The following PCDH7 variants were observed in gnomAD, a reference collection of about 807,000 sequenced individuals.
The protein encoded by PCDH7 is protocadherin-7.
Under a neutral mutation model 58.9 loss-of-function variants are expected in PCDH7, and 17 were observed. The ratio of observed to expected loss-of-function variants is 0.29; its 90% CI spans 0.20 to 0.43. The LOEUF (loss-of-function observed/expected upper bound fraction) is 0.43, where lower values mean the gene tolerates loss of function less well. PCDH7 is among the 20% of genes least tolerant of loss of function. The probability of loss-of-function intolerance (pLI) is 1.00; values close to 1 mark genes in which losing one functional copy is unlikely to be tolerated. For synonymous variants in PCDH7, 664 were observed against 616.4 expected (o/e 1.08, Z -1.14); for missense variants, 1,274 against 1,441.0 (o/e 0.88, Z 1.88).
chr4:31,048,027 TTTAA>T (rs934924318), intron 3 of PCDH7, among the ~76,000 whole-genome samples: 5 of 152,078 alleles, frequency 3.3e-5, no homozygotes, highest in African/African-American at 1.2e-4. Context: ...TCCTCAAAAC[TTTAA>T]TTAAGCAGTT....
At chr4:31,146,499 T>C (rs1459823311), downstream of PCDH7, 1 of 152,102 alleles carries the variant, frequency 6.6e-6, no homozygotes, top group East Asian at 1.9e-4. Context: ...GGGTTTACTT[T>C]CAGACTTTTC....
intron 3 of PCDH7, among the ~76,000 whole-genome samples, chr4:31,059,430 G>A (rs1757506378): frequency 6.6e-6 from 1 of 151,812 alleles, no homozygotes; most frequent in South Asian, 2.1e-4. Flanking sequence ...CTCATTGAAA[G>A]CATGACAGTA....
At chr4:30,761,870 C>T (rs1577695351) in intron 1 of PCDH7, among the ~76,000 whole-genome samples, 1 of 152,154 alleles carries the variant, frequency 6.6e-6, no homozygotes, top group African/African-American at 2.4e-5. Flanking sequence ...CTTTAGATGT[C>T]GATTTGCTCA....
chr4:30,902,513 A>G (rs767813196), intron 1 of PCDH7, among the ~76,000 whole-genome samples: 5 of 152,180 alleles, frequency 3.3e-5, no homozygotes, highest in Non-Finnish European at 5.9e-5. Context: ...CGATGCATAT[A>G]ATGAGATCCA....
At chr4:31,088,038 A>G (rs1036359249) in intron 3 of PCDH7, among the ~76,000 whole-genome samples, 1 of 152,088 alleles carries the variant, frequency 6.6e-6, no homozygotes, top group African/African-American at 2.4e-5. Context: ...TTTAGGTGTA[A>G]TGCCAAAAAT....
Position 30,722,341 on chromosome 4 carries a change from C to A in PCDH7, c.919C>A (p.Arg307Ser). 6 of 1,611,788 alleles carry A rather than the reference C, an allele frequency of 3.7e-6. No homozygotes were observed. Among genetic ancestry groups the A allele is most frequent in the African/African-American group, 1.3e-5 (1 of 75,040 alleles). ...CACCGACGTGAACGACAACAGCCCC[C>A]GCTTCGAGAAGAGCGTGTACGAGGC... The change falls in exon 1 of 2, where the codon CGC becomes AGC. Residue 307 changes from arginine (R) to serine (S), a missense_variant. Around this residue, in one of 3 missense-constraint regions of PCDH7, gnomAD observed 331 missense variants for 303.2 expected, o/e 1.09. Transcript: ENST00000361762. This position sits in a 1 kb window ranked among gnomAD's most constrained non-coding sequence, Gnocchi z 7.6.
chr4:30,900,995 A>G (rs1740141587), intron 1 of PCDH7, among the ~76,000 whole-genome samples: 1 of 152,166 alleles, frequency 6.6e-6, no homozygotes, highest in African/African-American at 2.4e-5. Context: ...TGTCATCTTC[A>G]TTGTTCATAT....
intron 3 of PCDH7, among the ~76,000 whole-genome samples, chr4:30,997,284 T>C (rs1751982396): frequency 6.6e-6 from 1 of 152,174 alleles, no homozygotes; most frequent in Non-Finnish European, 1.5e-5. Flanking sequence ...AGTATAGAAC[T>C]ATTAATAATA....
At chr4:30,920,559 A>G (rs996888507) in intron 2 of PCDH7, among the ~76,000 whole-genome samples, 190 bp downstream of exon 2, 2 of 152,172 alleles carry the variant, frequency 1.3e-5, no homozygotes, top group Admixed American at 1.3e-4. Context: ...AATTCACCCA[A>G]ATTGCACCAT....
At chr4:31,024,526 T>G (rs968826731) in intron 3 of PCDH7, among the ~76,000 whole-genome samples, 1 of 152,158 alleles carries the variant, frequency 6.6e-6, no homozygotes, top group Non-Finnish European at 1.5e-5. Flanking sequence ...AAATAAATAT[T>G]AGAATCAGTA....
At chr4:30,893,587 G>T (rs1035567665) in intron 1 of PCDH7, among the ~76,000 whole-genome samples, 1 of 152,074 alleles carries the variant, frequency 6.6e-6, no homozygotes, top group Non-Finnish European at 1.5e-5. Context: ...TACTTCTGCA[G>T]AAATGTGAAT....
At chr4:30,791,224 A>G (rs1274033886) in intron 1 of PCDH7, among the ~76,000 whole-genome samples, 1 of 152,124 alleles carries the variant, frequency 6.6e-6, no homozygotes, top group Non-Finnish European at 1.5e-5. Flanking sequence ...ATGGCAGAAT[A>G]TCATAGTGAT....
At chr4:30,943,144 A>G (rs927858163) in intron 2 of PCDH7, among the ~76,000 whole-genome samples, 6 of 152,062 alleles carry the variant, frequency 3.9e-5, no homozygotes, top group African/African-American at 1.4e-4. Context: ...ACTTTCATTC[A>G]TCTTGAACCT....
intron 2 of PCDH7, among the ~76,000 whole-genome samples, chr4:30,922,876 G>A (rs1315733400): frequency 6.6e-6 from 1 of 152,104 alleles, no homozygotes; most frequent in Non-Finnish European, 1.5e-5. Context: ...TAACAAATTT[G>A]TTGGGTCCGT....
chr4:31,143,864 A>G (rs1462519574), downstream of PCDH7: 5 of 152,182 alleles, frequency 3.3e-5, no homozygotes, highest in African/African-American at 1.2e-4. Context: ...TTTATTTGAA[A>G]GCGCAGAAAA....
At chr4:30,920,057 C>A in intron 1 of PCDH7, 96 bp from the exon 2 acceptor site, 1 of 839,776 alleles carries the variant, frequency 1.2e-6, no homozygotes, top group Non-Finnish European at 1.7e-6. Context: ...GAATTAGTTG[C>A]CAGTAGACCT....
intron 1 of PCDH7, among the ~76,000 whole-genome samples, chr4:30,836,614 C>T (rs750706277): frequency 2.0e-5 from 3 of 151,996 alleles, no homozygotes; most frequent in Non-Finnish European, 4.4e-5. Flanking sequence ...TTAAATTTCT[C>T]TCCTGAAAGT....
At chr4:31,052,618 GT>G (rs1756847004) in intron 3 of PCDH7, among the ~76,000 whole-genome samples, 3 of 152,078 alleles carry the variant, frequency 2.0e-5, no homozygotes, top group Non-Finnish European at 4.4e-5. Context: ...AATATAGTAA[GT>G]GACTGGAAGT....
intron 1 of PCDH7, chr4:30,724,946 T>G: frequency 2.9e-6 from 3 of 1,050,778 alleles, no homozygotes; most frequent in Non-Finnish European, 3.5e-6. Context: ...TCACCTGAAA[T>G]TATTTTCTTC....
Sources: allele counts gnomAD v4.1 joint callset (sites outside exome capture counted in the v4.1 genomes callset), GRCh38; gene constraint gnomAD v4.1.1; regional missense constraint gnomAD v4.1.1; non-coding constraint Gnocchi (gnomAD v3.1); transcripts MANE v1.5; gene names NCBI Gene and HGNC (gene_info 2026-07-23, HGNC 2026-07-21).